TMEM255B: variants seen among roughly 807,000 people sequenced by gnomAD.
The protein encoded by TMEM255B is family with sequence similarity 70, member B.
TMEM255B carries 35 observed loss-of-function variants against 34.5 expected under a neutral mutation model. The observed-to-expected ratio is 1.01, with a 90% CI of 0.77 to 1.34. The LOEUF (loss-of-function observed/expected upper bound fraction) is 1.34, where lower values mean the gene tolerates loss of function less well. Ranked by LOEUF, TMEM255B falls within the 40% of genes most tolerant of loss-of-function variation. The pLI is 0.00. For missense variants in TMEM255B, 432 were observed against 433.2 expected (o/e 1.00, Z 0.02); for synonymous variants, 206 against 201.2 (o/e 1.02, Z -0.20).
chr13:113,786,290 G>A (rs1484421227), intron 3 of TMEM255B, among the ~76,000 whole-genome samples: 2 of 147,414 alleles, frequency 1.4e-5, no homozygotes, highest in African/African-American at 2.5e-5. Context: ...CACCATCCTC[G>A]CTGTCATTGC....
chr13:113,804,422 A>T (rs187730740), intron 7 of TMEM255B, among the ~76,000 whole-genome samples: 1 of 152,242 alleles, frequency 6.6e-6, no homozygotes, highest in Admixed American at 6.5e-5. Flanking sequence ...TGGGGCCCGG[A>T]GAGAAGGAAA....
intron 1 of TMEM255B, among the ~76,000 whole-genome samples, chr13:113,762,231 C>T (rs1191316099): frequency 1.3e-5 from 2 of 151,760 alleles, no homozygotes; most frequent in Non-Finnish European, 2.9e-5. Context: ...GATATCCCAC[C>T]TTCTTTTCTT....
At chr13:113,763,084 C>G (rs2050333831) in intron 1 of TMEM255B, among the ~76,000 whole-genome samples, 1 of 152,116 alleles carries the variant, frequency 6.6e-6, no homozygotes, top group South Asian at 2.1e-4. Flanking sequence ...GTTGAAGGCA[C>G]CTAGCATTTG....
intron 3 of TMEM255B, among the ~76,000 whole-genome samples, chr13:113,794,447 C>G (rs768779550): frequency 6.6e-6 from 1 of 152,050 alleles, no homozygotes; most frequent in Non-Finnish European, 1.5e-5. Context: ...CGGGACGGAA[C>G]CAAGCGAGAT....
At chr13:113,792,577 T>C (rs191037448) in intron 3 of TMEM255B, among the ~76,000 whole-genome samples, 2 of 152,390 alleles carry the variant, frequency 1.3e-5, no homozygotes, top group South Asian at 2.1e-4. Context: ...CCCTGGCTTA[T>C]GCTTTGCTAT....
At chr13:113,797,027 T>TA (rs774529933) in intron 4 of TMEM255B, among the ~76,000 whole-genome samples, 10 of 152,264 alleles carry the variant, frequency 6.6e-5, no homozygotes, top group Non-Finnish European at 7.3e-5. Flanking sequence ...CTTGCTATTC[T>TA]ATGGCTTCCA....
intron 1 of TMEM255B, 137 bp from the exon 2 acceptor site, chr13:113,765,978 C>G (rs1255712852): frequency 1.8e-6 from 2 of 1,122,846 alleles, no homozygotes; most frequent in Non-Finnish European, 2.5e-6. Flanking sequence ...GGGTGGTCCC[C>G]TGAGGTGGGC....
chr13:113,780,206 A>T lies in TMEM255B; in HGVS notation c.252+11046A>T, dbSNP rs1285529543. Among the ~76,000 whole-genome samples the T allele has an allele frequency of 2.0e-5, 3 of 152,244 alleles. No individual in the cohort carries two copies. The East Asian group carries it at 5.8e-4, about 29-fold the overall frequency. ...TGTGCAGGGACTGTGTACACAGAAT[A>T]GGAGGCCAGTTTCCAAGGCCTTTCT... On this transcript the variant is annotated intron_variant, in intron 3 of 8. Transcript: ENST00000375353.
chr13:113,796,087 C>T (rs573706429), intron 4 of TMEM255B, among the ~76,000 whole-genome samples: 1 of 145,060 alleles, frequency 6.9e-6, no homozygotes, highest in Admixed American at 6.9e-5. Flanking sequence ...CAACAGAGCA[C>T]ACAGCACACA....
At chr13:113,766,723 T>A (rs1263126620) in intron 2 of TMEM255B, among the ~76,000 whole-genome samples, 2 of 152,218 alleles carry the variant, frequency 1.3e-5, no homozygotes, top group African/African-American at 4.8e-5. Context: ...GGAAAGTAAC[T>A]TTAAACGATT....
At chr13:113,794,565 CAG>C (rs2050887218) in intron 3 of TMEM255B, among the ~76,000 whole-genome samples, 2 of 152,054 alleles carry the variant, frequency 1.3e-5, no homozygotes, top group African/African-American at 4.8e-5. Context: ...GCCCTCTGGT[CAG>C]GGGTCCACGG....
chr13:113,768,989 G>A (rs765641276), intron 2 of TMEM255B, 109 bp from the exon 3 acceptor site: 12 of 1,258,798 alleles, frequency 9.5e-6, no homozygotes, highest in Admixed American at 7.5e-5. Context: ...TCTGGCCTTC[G>A]TCCCTGGATA....
intron 3 of TMEM255B, among the ~76,000 whole-genome samples, chr13:113,777,019 C>A (rs948236986): frequency 6.6e-6 from 1 of 152,048 alleles, no homozygotes; most frequent in Non-Finnish European, 1.5e-5. Context: ...CCTGGAATTT[C>A]TATTTTTGCT....
In TMEM255B at chr13:113,805,000, C is replaced by A. The variant is rs1160881904; in HGVS notation, c.785C>A (p.Thr262Asn). The A allele has an allele frequency of 6.2e-7, 1 of 1,605,628 alleles. No homozygotes were observed. The highest frequency in any genetic ancestry group is 1.1e-5 in the South Asian group (1 of 90,682). ...CGCCTGACGCCCGAGCCCGTCCCGA[C>A]CTGCTCGTCCTACCCTCTGCCCCTT... ...GFRLTPEPVP[T>N]CSSYPLPLQP... The change falls in exon 8 of 9, where the codon ACC (threonine) becomes AAC (asparagine). Residue 262 changes from threonine (T) to asparagine (N), a missense_variant. By Grantham distance (65) the Thr-to-Asn change is moderately conservative (BLOSUM62 0). Coordinates refer to ENST00000375353, the MANE Select transcript of TMEM255B (RefSeq NM_182614.4).
chr13:113,763,203 C>T (rs1244560489), intron 1 of TMEM255B, among the ~76,000 whole-genome samples: 2 of 152,180 alleles, frequency 1.3e-5, no homozygotes, highest in African/African-American at 4.8e-5. Flanking sequence ...ACACACAGCC[C>T]AATCCATAGA....
intron 7 of TMEM255B, among the ~76,000 whole-genome samples, chr13:113,802,272 A>G (rs2051079992): frequency 6.6e-6 from 1 of 152,028 alleles, no homozygotes; most frequent in Non-Finnish European, 1.5e-5. Flanking sequence ...GGTGGGCTGG[A>G]CCCATCCTGG....
intron 3 of TMEM255B, among the ~76,000 whole-genome samples, chr13:113,773,695 A>G (rs1373756290): frequency 6.6e-6 from 1 of 152,216 alleles, no homozygotes; most frequent in South Asian, 2.1e-4. Context: ...TTAATTTAAT[A>G]CTTGTGGTAG....
At chr13:113,795,434 A>ACACACAC (rs1314085440) in intron 4 of TMEM255B, among the ~76,000 whole-genome samples, 197 bp downstream of exon 4, 1 of 151,722 alleles carries the variant, frequency 6.6e-6, no homozygotes, top group Non-Finnish European at 1.5e-5. Context: ...CACACAGACT[A>ACACACAC]CACACACCAC....
Position 113,814,202 on chromosome 13 carries a change from G to A in TMEM255B, c.*2299G>A, listed in dbSNP as rs2051379345. On this transcript the variant is annotated 3_prime_UTR_variant, in exon 9 of 9. Coordinates refer to ENST00000375353, the MANE Select transcript of TMEM255B (RefSeq NM_182614.4). ...CAGCACCTCTTGGTGTCCTAGGGGT[G>A]CGAACAGCAGAGAAGCTGAACTGCA... 6.6e-6 allele frequency: 1 copy of A among 152,232 alleles called. No homozygotes were observed. The highest frequency in any genetic ancestry group is 6.5e-5 in the Admixed American group (1 of 15,290). The allele number at this position is 152,232 out of a possible 1,614,324, so 9.4% of individuals were successfully genotyped here.
Sources: gnomAD v4.1 joint callset for allele counts (sites outside exome capture counted in the v4.1 genomes callset) on GRCh38, gnomAD v4.1.1 for gene constraint, MANE v1.5 for transcripts, NCBI Gene and HGNC (gene_info 2026-07-23, HGNC 2026-07-21) for gene names.